KNTC1: variants seen among roughly 807,000 people sequenced by gnomAD.
The protein encoded by KNTC1 is kinetochore-associated protein 1.
KNTC1 carries 253 observed loss-of-function variants against 314.4 expected under a neutral mutation model. That is an observed-to-expected ratio of 0.80 (90% CI 0.73 to 0.89). The LOEUF is 0.89. Among genes scored for constraint, KNTC1 ranks in the 40% least tolerant of loss-of-function variants. The pLI is 0.00. For synonymous variants in KNTC1, 901 were observed against 901.4 expected (o/e 1.00, Z 0.01); for missense variants, 2,475 against 2,572.9 (o/e 0.96, Z 0.82).
At chr12:122,602,182 G>A (rs1004999859) in intron 45 of KNTC1, among the ~76,000 whole-genome samples, 5 of 151,856 alleles carry the variant, frequency 3.3e-5, no homozygotes, top group Non-Finnish European at 7.4e-5. Flanking sequence ...ATTATACAAA[G>A]TGTCCTAATA....
At chr12:122,535,784 C>G (rs1961756553) in intron 3 of KNTC1, among the ~76,000 whole-genome samples, 1 of 151,646 alleles carries the variant, frequency 6.6e-6, no homozygotes, top group Non-Finnish European at 1.5e-5. Flanking sequence ...CCACTATACT[C>G]TAGCCTGAGT....
intron 20 of KNTC1, among the ~76,000 whole-genome samples, chr12:122,565,515 AT>A (rs60788698): frequency 0.34 from 49,460 of 147,052 alleles, 8,926 homozygotes; most frequent in Admixed American, 0.41. Context: ...TGTTATTATT[AT>A]TTTTTTTTTT....
At chr12:122,565,106 C>T (rs1024979693) in intron 20 of KNTC1, among the ~76,000 whole-genome samples, 11 of 151,872 alleles carry the variant, frequency 7.2e-5, no homozygotes, top group African/African-American at 2.7e-4. Flanking sequence ...CTGATGTATG[C>T]AAAAAAATTT....
chr12:122,568,345 T>C lies in KNTC1; in HGVS notation c.1689T>C (p.Cys563=). The C allele has an allele frequency of 1.3e-6, 2 of 1,598,314 alleles. No individual in the cohort carries two copies. Among genetic ancestry groups the C allele is most frequent in the Non-Finnish European group, 1.7e-6 (2 of 1,166,610 alleles). Reference sequence around the variant, plus strand: ...AGCTAAAAGAAGGAAACCTTGTTTGTGCACAGTATCTTTGGCTTCGACATC... The same window carrying C: ...AGCTAAAAGAAGGAAACCTTGTTTGCGCACAGTATCTTTGGCTTCGACATC... ...FLQLKEGNLV[C]AQYLWLRHRA... is the part of the protein sequence containing the mutation. The change falls in exon 21 of 64, where the codon TGT becomes TGC. Residue 563 remains cysteine (C), a synonymous_variant. Coordinates refer to ENST00000333479, the MANE Select transcript of KNTC1 (RefSeq NM_014708.6).
intron 1 of KNTC1, 103 bp downstream of exon 1, chr12:122,527,454 A>T (rs1210724467): frequency 6.5e-6 from 1 of 152,870 alleles, no homozygotes; most frequent in African/African-American, 2.4e-5. Context: ...TGACGCTGGC[A>T]GGAGAGAGGT....
intron 42 of KNTC1, chr12:122,592,835 T>G (rs1377023768): frequency 2.6e-5 from 4 of 152,340 alleles, no homozygotes; most frequent in African/African-American, 7.2e-5. Flanking sequence ...TCGGGTCCCC[T>G]TCCACACTGT....
At chr12:122,591,870 C>T (rs1419429755) in intron 42 of KNTC1, among the ~76,000 whole-genome samples, 1 of 152,240 alleles carries the variant, frequency 6.6e-6, no homozygotes, top group Non-Finnish European at 1.5e-5. Context: ...GGGCAGTCCT[C>T]ACAGCCCTCG....
intron 38 of KNTC1, 28 bp from the exon 39 acceptor site, chr12:122,587,683 A>G (rs1488464249): frequency 1.5e-5 from 24 of 1,553,252 alleles, no homozygotes; most frequent in Non-Finnish European, 2.1e-5. Context: ...AAAAAATCTA[A>G]ATATTAAAAT....
Position 122,587,844 on chromosome 12 carries a change from A to G in KNTC1, c.3864A>G (p.Ser1288=). 6.2e-7 allele frequency: 1 copy of G among 1,613,788 alleles called. No individual in the cohort carries two copies. The highest frequency in any genetic ancestry group is 1.1e-5 in the South Asian group (1 of 91,018). Residue 1288 remains serine, a synonymous_variant, in exon 39 of 64, where the codon TCA becomes TCG. Coordinates refer to ENST00000333479, the MANE Select transcript of KNTC1 (RefSeq NM_014708.6). ...GTACCTGTCTTCAGCACTCTGTGTC[A>G]AACTTCATGAATGCCACTTTGAGTG... ...SFGTCLQHSV[S]NFMNATLSEK...
intron 5 of KNTC1, among the ~76,000 whole-genome samples, chr12:122,541,407 C>T (rs748556738): frequency 6.0e-5 from 9 of 149,752 alleles, no homozygotes; most frequent in South Asian, 2.1e-4. Flanking sequence ...AGAGCAATGA[C>T]GCAATTTCAG....
chr12:122,572,428 CT>C (rs146423541), intron 24 of KNTC1, among the ~76,000 whole-genome samples: 5,166 of 152,162 alleles, frequency 0.034, 308 homozygotes, highest in African/African-American at 0.12. Flanking sequence ...AAAATTAAGT[CT>C]TGACAGTACA....
chr12:122,610,740 C>A, intron 52 of KNTC1, 82 bp from the exon 53 acceptor site: 1 of 879,390 alleles, frequency 1.1e-6, no homozygotes, highest in South Asian at 1.4e-5. Flanking sequence ...AATGACCGTT[C>A]CATGGATAGA....
chr12:122,588,609 G>T (rs1038232218), intron 39 of KNTC1, 103 bp from the exon 40 acceptor site: 8 of 827,774 alleles, frequency 9.7e-6, no homozygotes, highest in East Asian at 3.1e-5. Context: ...GATACTTTTT[G>T]GATATAATGA....
intron 32 of KNTC1, 26 bp downstream of exon 32, chr12:122,580,003 C>T: frequency 6.7e-7 from 1 of 1,503,330 alleles, no homozygotes; most frequent in Non-Finnish European, 9.3e-7. Context: ...GTTTTCTCAT[C>T]TCAGTTTTGT....
At position 122,613,226 on chromosome 12, in the gene KNTC1, G is replaced by C; in HGVS notation, c.5737G>C (p.Val1913Leu). Residue 1913 changes from valine to leucine, a missense_variant, in exon 54 of 64, where the codon GTG becomes CTG. Val to Leu is a conservative substitution (Grantham distance 32). Transcript: ENST00000333479. ...ESLFKKPIEEVKSYLRCITFL... is the reference protein window; with the variant it reads ...ESLFKKPIEELKSYLRCITFL... ...TCTCTTTAAAAAACCCATTGAAGAA[G>C]TGAAGTAAGTAGAAATGTTTAAATT... 3 of 1,544,092 alleles carry C rather than the reference G, an allele frequency of 1.9e-6. No individual in the cohort carries two copies. The highest frequency in any genetic ancestry group is 2.7e-6 in the Non-Finnish European group (3 of 1,118,492).
At chr12:122,585,843 G>A in intron 37 of KNTC1, 69 bp downstream of exon 37, 1 of 1,487,584 alleles carries the variant, frequency 6.7e-7, no homozygotes, top group Admixed American at 1.7e-5. Flanking sequence ...GTAGAGGTTT[G>A]GAGCTAGAAC....
At chr12:122,600,103 T>A (rs1454141687) in intron 44 of KNTC1, among the ~76,000 whole-genome samples, 1 of 152,012 alleles carries the variant, frequency 6.6e-6, no homozygotes, top group Non-Finnish European at 1.5e-5. Context: ...TTGTTTTTGT[T>A]GTTGTTGTTG....
In KNTC1 at chr12:122,585,748, T is replaced by C. The variant is rs995696994; in HGVS notation, c.3647T>C (p.Leu1216Pro). 3 of 1,613,792 alleles carry C rather than the reference T, an allele frequency of 1.9e-6. No homozygotes were observed. The highest frequency in any genetic ancestry group is 2.5e-6 in the Non-Finnish European group (3 of 1,179,694). ...SQMVLPVIYELISSLVPLAES... is the reference protein window; with the variant it reads ...SQMVLPVIYEPISSLVPLAES... ...ATGGTGCTTCCAGTGATTTATGAAC[T>C]GATTTCATCTCTTGTGCCTCTAGCT... is the stretch of plus-strand genomic sequence containing the variant. Residue 1216 changes from leucine to proline, a missense_variant, in exon 37 of 64, where the codon CTG becomes CCG. Leu to Pro is a moderately conservative substitution (Grantham distance 98). Transcript: ENST00000333479.
chr12:122,548,328 G>C (rs191591509), intron 12 of KNTC1, among the ~76,000 whole-genome samples: 2,342 of 152,092 alleles, frequency 0.015, 31 homozygotes, highest in Middle Eastern at 0.027. Flanking sequence ...TCCTGCCTCA[G>C]CCTCCCAAGT....
Sources: allele counts gnomAD v4.1 joint callset (sites outside exome capture counted in the v4.1 genomes callset), GRCh38; gene constraint gnomAD v4.1.1; transcripts MANE v1.5; gene names NCBI Gene and HGNC (gene_info 2026-07-23, HGNC 2026-07-21).